PCCA: variants seen among roughly 807,000 people sequenced by gnomAD.
The protein encoded by PCCA is propionyl-CoA carboxylase subunit alpha, also known as propionyl-CoA carboxylase alpha chain, mitochondrial.
In PCCA, 74 loss-of-function variants were observed where a neutral mutation model predicts 101.3. The ratio of observed to expected loss-of-function variants is 0.73; its 90% confidence interval spans 0.61 to 0.89. PCCA has a LOEUF of 0.89. PCCA is among the 40% of genes least tolerant of loss of function. PCCA has a pLI of 0.00. For missense variants in PCCA, 891 were observed against 907.0 expected (o/e 0.98, Z 0.23); for synonymous variants, 294 against 313.6 (o/e 0.94, Z 0.66).
Position 100,442,906 on chromosome 13 carries a change from G to T in PCCA, c.1846-6346G>T, listed in dbSNP as rs150366571. ...GGGCAAAGCAGAGGCTCTGAAACGG[G>T]ACAAGCTTGTTTTGTGTGAAGGCCA... On this transcript the variant is annotated intron_variant, in intron 20 of 23. Transcript: ENST00000376285. 7.1e-3 allele frequency among the ~76,000 whole-genome samples: 1,087 copies of T among 152,252 alleles called. 17 individuals carry two copies. The highest frequency in any genetic ancestry group is 0.025 in the African/African-American group (1,058 of 41,534).
chr13:100,154,596 T>A (rs2053680968), intron 4 of PCCA: 1 of 303,550 alleles, frequency 3.3e-6, no homozygotes, highest in Non-Finnish European at 6.3e-6. Flanking sequence ...GGAGCTTGCT[T>A]AGAACTGGGC....
At chr13:100,358,016 A>G (rs969783088) in intron 18 of PCCA, among the ~76,000 whole-genome samples, 4 of 152,226 alleles carry the variant, frequency 2.6e-5, no homozygotes, top group African/African-American at 9.6e-5. Context: ...GTTGCCTACC[A>G]TGGTTATGAT....
Position 100,403,070 on chromosome 13 carries a change from A to G in PCCA, c.1747-22563A>G, listed in dbSNP as rs545966316. On this transcript the variant is annotated intron_variant, in intron 19 of 23. Coordinates refer to ENST00000376285, the MANE Select transcript of PCCA (RefSeq NM_000282.4). Reference sequence around the variant, plus strand: ...TTTGAACTGAGAAAACTTGTAAGACACAGTAAAGCCACATTTGTAACTGGT... The same window carrying G: ...TTTGAACTGAGAAAACTTGTAAGACGCAGTAAAGCCACATTTGTAACTGGT... Among the ~76,000 whole-genome samples, 37 of 152,122 alleles carry G rather than the reference A, an allele frequency of 2.4e-4. No individual in the cohort carries two copies. The South Asian group carries it at 7.5e-3, about 31-fold the overall frequency.
intron 19 of PCCA, among the ~76,000 whole-genome samples, chr13:100,376,554 G>A (rs1354331227): frequency 2.6e-5 from 4 of 152,226 alleles, no homozygotes; most frequent in Non-Finnish European, 1.5e-5. Flanking sequence ...TGCCTAGAGA[G>A]GAGGAATCTA....
chr13:100,137,084 A>C lies in PCCA; in HGVS notation c.301-17895A>C, dbSNP rs115678157. On this transcript the variant is annotated intron_variant, in intron 4 of 23. Coordinates refer to ENST00000376285, the MANE Select transcript of PCCA (RefSeq NM_000282.4). ...TATATATTGTGTTTTCATTTTTGTT[A>C]AGAATGTTTTCTGAGACTTCCTTTT... 3.2e-3 allele frequency among the ~76,000 whole-genome samples: 479 copies of C among 152,046 alleles called. 2 individuals carry two copies. Among genetic ancestry groups the C allele is most frequent in the African/African-American group, 0.011 (458 of 41,540 alleles).
intron 4 of PCCA, among the ~76,000 whole-genome samples, chr13:100,118,134 A>T (rs1251696450): frequency 6.6e-6 from 1 of 151,734 alleles, no homozygotes; most frequent in Admixed American, 6.6e-5. Flanking sequence ...AGAAAAAAAA[A>T]AAAAAAGAAA....
chr13:100,529,840 C>T (rs1205145883), intron 23 of PCCA, among the ~76,000 whole-genome samples: 1 of 152,074 alleles, frequency 6.6e-6, no homozygotes, highest in African/African-American at 2.4e-5. Flanking sequence ...GAGAGTAGCC[C>T]TCAGGCCAGC....
chr13:100,129,534 T>C (rs908475280), intron 4 of PCCA, among the ~76,000 whole-genome samples: 1 of 152,194 alleles, frequency 6.6e-6, no homozygotes, highest in Non-Finnish European at 1.5e-5. Flanking sequence ...CATTGCTGCC[T>C]CCCACCTTCT....
chr13:100,220,563 G>T (rs2059765332), intron 7 of PCCA, among the ~76,000 whole-genome samples: 1 of 151,978 alleles, frequency 6.6e-6, no homozygotes, highest in African/African-American at 2.4e-5. Context: ...GTGCCACCGC[G>T]CCCCGTCATT....
intron 7 of PCCA, among the ~76,000 whole-genome samples, chr13:100,232,747 C>G (rs1240816209): frequency 6.6e-6 from 1 of 152,142 alleles, no homozygotes; most frequent in Non-Finnish European, 1.5e-5. Flanking sequence ...AGCAGCCTGT[C>G]TGAAACAAGT....
chr13:100,125,196 T>G (rs1391294393), intron 4 of PCCA, among the ~76,000 whole-genome samples: 1 of 151,776 alleles, frequency 6.6e-6, no homozygotes, highest in Non-Finnish European at 1.5e-5. Context: ...AACATTTTCT[T>G]AAACTGCCTT....
intron 8 of PCCA, among the ~76,000 whole-genome samples, chr13:100,239,298 G>T (rs893292494): frequency 1.3e-5 from 2 of 152,208 alleles, no homozygotes; most frequent in African/African-American, 2.4e-5. Context: ...TTAAATTTAG[G>T]TTTATTTGAC....
chr13:100,472,167 G>A (rs1456194752), intron 21 of PCCA, among the ~76,000 whole-genome samples: 1 of 152,092 alleles, frequency 6.6e-6, no homozygotes, highest in African/African-American at 2.4e-5. Context: ...TGCAGACGTG[G>A]GCCCTTAGTC....
chr13:100,127,116 T>C (rs1447543158), intron 4 of PCCA, among the ~76,000 whole-genome samples: 1 of 152,228 alleles, frequency 6.6e-6, no homozygotes, highest in East Asian at 1.9e-4. Context: ...CAAGATGGAC[T>C]ATGACTTTAT....
rs537542821 is a variant in PCCA at position 100,139,009 on chromosome 13, C to CTGAATATAGA, written c.301-15969_301-15960dup. ...CCTTCATTCTTAGAGGATATTTGCACTGAATATAGAGTACTGAGTTGACAG... is the reference window on the plus strand; with the variant it reads ...CCTTCATTCTTAGAGGATATTTGCACTGAATATAGATGAATATAGAGTACTGAGTTGACAG... On this transcript the variant is annotated intron_variant, in intron 4 of 23. Coordinates refer to ENST00000376285, the MANE Select transcript of PCCA (RefSeq NM_000282.4). Among the ~76,000 whole-genome samples the CTGAATATAGA allele has an allele frequency of 1.9e-3, 294 of 150,940 alleles. 1 individual carries two copies. Among genetic ancestry groups the CTGAATATAGA allele is most frequent in the Admixed American group, 4.1e-3 (62 of 15,192 alleles).
chr13:100,162,080 A>ATGTG lies in PCCA; in HGVS notation c.468+4768_468+4771dup, dbSNP rs3034650. Among the ~76,000 whole-genome samples the ATGTG allele has an allele frequency of 8.1e-3, 1,183 of 146,922 alleles. 7 individuals are homozygous for ATGTG. The highest frequency in any genetic ancestry group is 9.7e-3 in the African/African-American group (387 of 40,022). On this transcript the variant is annotated intron_variant, in intron 6 of 23. Coordinates refer to ENST00000376285, the MANE Select transcript of PCCA (RefSeq NM_000282.4). ...TACCTTCTGGAGCATGTGTGTCTGT[A>ATGTG]TGTGTGTGTGTGTGTGTGTGTGTGT...
chr13:100,373,098 A>G (rs9582386), intron 19 of PCCA, among the ~76,000 whole-genome samples: 4,922 of 152,176 alleles, frequency 0.032, 245 homozygotes, highest in African/African-American at 0.11. Context: ...CAACTCAATA[A>G]CAAAAAACAA....
chr13:100,397,939 A>C (rs751881884), intron 19 of PCCA, among the ~76,000 whole-genome samples: 19 of 152,226 alleles, frequency 1.2e-4, no homozygotes, highest in Non-Finnish European at 1.9e-4. Context: ...TTTAGCTTTG[A>C]AAACCTAGTG....
At chr13:100,179,340 G>A (rs1304339059) in intron 6 of PCCA, among the ~76,000 whole-genome samples, 1 of 151,924 alleles carries the variant, frequency 6.6e-6, no homozygotes, top group Non-Finnish European at 1.5e-5. Context: ...GGGTTTTAAG[G>A]CATAAGAGAA....
Sources: allele counts gnomAD v4.1 joint callset (sites outside exome capture counted in the v4.1 genomes callset), GRCh38; gene constraint gnomAD v4.1.1; transcripts MANE v1.5; gene names NCBI Gene and HGNC (gene_info 2026-07-23, HGNC 2026-07-21).